COL28A1: variants seen among roughly 807,000 people sequenced by gnomAD.
COL28A1 encodes collagen alpha-1(XXVIII) chain.
COL28A1 carries 161 observed loss-of-function variants against 150.2 expected under a neutral mutation model. The ratio of observed to expected loss-of-function variants is 1.07; its 90% CI spans 0.94 to 1.22. The LOEUF (loss-of-function observed/expected upper bound fraction) is 1.22, where lower values mean the gene tolerates loss of function less well. Among genes scored for constraint, COL28A1 ranks in the 50% most tolerant of loss-of-function variants. COL28A1 has a pLI of 0.00. For synonymous variants in COL28A1, 552 were observed against 469.7 expected, an observed-to-expected ratio of 1.18 and a Z score of -2.26; for missense variants, 1,617 against 1,388.3, an observed-to-expected ratio of 1.16 and a Z score of -2.62.
chr7:7,418,259 G>C (rs1356764558), intron 26 of COL28A1, among the ~76,000 whole-genome samples: 1 of 152,174 alleles, frequency 6.6e-6, no homozygotes, highest in Non-Finnish European at 1.5e-5. Flanking sequence ...GGGCTGCCCT[G>C]CACCACATAT....
At chr7:7,528,825 C>T (rs972157519) in intron 3 of COL28A1, among the ~76,000 whole-genome samples, 1 of 152,020 alleles carries the variant, frequency 6.6e-6, no homozygotes, top group African/African-American at 2.4e-5. Context: ...AGGTGTGTAC[C>T]TATGTCAAAA....
At chr7:7,478,512 G>A (rs968562276) in intron 13 of COL28A1, among the ~76,000 whole-genome samples, 4 of 152,272 alleles carry the variant, frequency 2.6e-5, no homozygotes, top group African/African-American at 7.2e-5. Context: ...GCTCGCAGGT[G>A]GAGCTGCCTG....
chr7:7,444,517 C>T (rs1786099884), intron 18 of COL28A1, 28 bp from the exon 19 acceptor site: 8 of 1,607,072 alleles, frequency 5.0e-6, no homozygotes, highest in Non-Finnish European at 6.8e-6. Flanking sequence ...ATTTTATTTC[C>T]CTAAAGTTCA....
At chr7:7,366,315 T>A (rs757137046) in intron 33 of COL28A1, among the ~76,000 whole-genome samples, 6 of 152,118 alleles carry the variant, frequency 3.9e-5, no homozygotes, top group South Asian at 2.1e-4. Flanking sequence ...AATAGATGCA[T>A]CCCAATTTCA....
intron 27 of COL28A1, among the ~76,000 whole-genome samples, chr7:7,384,006 C>A (rs1356336063): frequency 6.6e-6 from 1 of 152,098 alleles, no homozygotes; most frequent in African/African-American, 2.4e-5. Context: ...TCCCTAACCT[C>A]TCACGGCACA....
At chr7:7,462,193 A>G (rs887174326) in intron 15 of COL28A1, among the ~76,000 whole-genome samples, 1 of 152,170 alleles carries the variant, frequency 6.6e-6, no homozygotes, top group African/African-American at 2.4e-5. Context: ...CTACTAAATC[A>G]AGGAAACACC....
chr7:7,362,342 G>A (rs1335726946), intron 33 of COL28A1, among the ~76,000 whole-genome samples: 1 of 83,580 alleles, frequency 1.2e-5, no homozygotes, highest in Non-Finnish European at 2.5e-5. Context: ...ATCCTTGCAA[G>A]AGTTTCTCTT....
chr7:7,511,524 T>A (rs117631595), intron 8 of COL28A1: 4 of 292,850 alleles, frequency 1.4e-5, no homozygotes, highest in African/African-American at 2.3e-5. Flanking sequence ...TGAGAACATT[T>A]AAACTCAACA....
At chr7:7,532,718 T>C (rs1782436971) in intron 2 of COL28A1, 34 bp downstream of exon 2, 2 of 1,585,638 alleles carry the variant, frequency 1.3e-6, no homozygotes. Flanking sequence ...TTTAACAGGC[T>C]AAACTTAAAA....
intron 27 of COL28A1, among the ~76,000 whole-genome samples, chr7:7,413,252 T>A (rs956192507): frequency 1.3e-5 from 2 of 152,142 alleles, no homozygotes; most frequent in Non-Finnish European, 2.9e-5. Flanking sequence ...TCCTTTGCTA[T>A]AGCCCCATAA....
intron 3 of COL28A1, among the ~76,000 whole-genome samples, chr7:7,528,414 T>A (rs1782149983): frequency 6.6e-6 from 1 of 152,186 alleles, no homozygotes; most frequent in African/African-American, 2.4e-5. Flanking sequence ...AATTCAGAAC[T>A]AAAATGTTTC....
intron 15 of COL28A1, among the ~76,000 whole-genome samples, chr7:7,465,435 A>C: frequency 7.2e-6 from 1 of 139,404 alleles, no homozygotes; most frequent in South Asian, 2.5e-4. Flanking sequence ...TATATCCCCC[A>C]CCTGGCTCAG....
chr7:7,381,016 A>G (rs756411161), intron 28 of COL28A1, among the ~76,000 whole-genome samples, 154 bp from the exon 29 acceptor site: 5 of 152,158 alleles, frequency 3.3e-5, no homozygotes, highest in African/African-American at 4.8e-5. Flanking sequence ...ATTGGGGGTA[A>G]CTTATTTACA....
At chr7:7,521,600 T>A (rs1781728965) in intron 5 of COL28A1, among the ~76,000 whole-genome samples, 1 of 152,232 alleles carries the variant, frequency 6.6e-6, no homozygotes, top group Non-Finnish European at 1.5e-5. Context: ...GCTTTTTCTG[T>A]ATTCACTTCA....
intron 32 of COL28A1, among the ~76,000 whole-genome samples, chr7:7,371,958 G>T (rs13437909): frequency 0.017 from 2,542 of 151,912 alleles, 81 homozygotes; most frequent in African/African-American, 0.057. Flanking sequence ...TCAGCTTCCC[G>T]GGTAGCTGGG....
chr7:7,423,030 T>G (rs556432925), intron 25 of COL28A1, among the ~76,000 whole-genome samples: 15 of 152,254 alleles, frequency 9.9e-5, no homozygotes, highest in African/African-American at 3.6e-4. Context: ...TTGCAGCAAA[T>G]GGGTAAGACA....
chr7:7,374,038 A>AAAAAAAAAAAAAAAAATATAT, intron 31 of COL28A1, among the ~76,000 whole-genome samples: 2 of 113,658 alleles, frequency 1.8e-5, no homozygotes, highest in African/African-American at 7.6e-5. Context: ...AAAAAAAAAA[A>AAAAAAAAAAAAAAAAATATAT]ATATATATAT....
In COL28A1 at chr7:7,376,981, T is replaced by C. The variant is rs576759789; in HGVS notation, c.2323-1484A>G. Among the ~76,000 whole-genome samples the C allele has an allele frequency of 1.1e-4, 16 of 152,292 alleles. No homozygotes were observed. In the East Asian group the frequency reaches 2.5e-3, roughly 24 times the overall value. ...ATTATTATTATATCATCACTGTCAATTGGTAGAGCAAAATCTCTCATTGTT... is the reference window on the plus strand; with the variant it reads ...ATTATTATTATATCATCACTGTCAACTGGTAGAGCAAAATCTCTCATTGTT... On this transcript the variant is annotated intron_variant, in intron 30 of 34. Transcript: ENST00000399429.
intron 30 of COL28A1, among the ~76,000 whole-genome samples, chr7:7,379,869 A>G (rs1023078493): frequency 3.3e-5 from 5 of 152,152 alleles, no homozygotes; most frequent in African/African-American, 1.2e-4. Context: ...CAACAAAGAG[A>G]AAAAGGCAGA....
Sources: allele counts gnomAD v4.1 joint callset (sites outside exome capture counted in the v4.1 genomes callset), GRCh38; gene constraint gnomAD v4.1.1; transcripts MANE v1.5; gene names NCBI Gene and HGNC (gene_info 2026-07-23, HGNC 2026-07-21).